Variants in PSMD10 observed in about 807,000 individuals in gnomAD.
PSMD10 encodes proteasome 26S subunit, non-ATPase 10.
A neutral mutation model predicts 13.2 loss-of-function variants in PSMD10; 2 were observed. The observed-to-expected ratio is 0.15, with a 90% CI of 0.06 to 0.48. The LOEUF (loss-of-function observed/expected upper bound fraction) is 0.48. Ranked by LOEUF, PSMD10 falls within the 20% of genes least tolerant of loss-of-function variation. The probability of loss-of-function intolerance (pLI) is 0.97; values close to 1 mark genes in which losing one functional copy is unlikely to be tolerated. For synonymous variants in PSMD10, 66 were observed against 64.4 expected (o/e 1.03, Z -0.12); for missense variants, 120 against 167.4 (o/e 0.72, Z 1.56).
chrX:108,086,633 A>T (rs776785257), intron 4 of PSMD10, among the ~76,000 whole-genome samples: 49 of 112,061 alleles, frequency 4.4e-4, no homozygotes, highest in Non-Finnish European at 7.0e-4. Context: ...TAGATAAGAA[A>T]TGTAATTACC....
Position 108,084,982 on chromosome X carries a change from C to T in PSMD10, c.673G>A (p.Glu225Lys). The T allele has an allele frequency of 8.3e-7, 1 of 1,201,095 alleles. No homozygotes were observed. The change falls in exon 5 of 5, where the codon GAA becomes AAA. Residue 225 changes from glutamate to lysine, a missense_variant. By Grantham distance (56) the Glu-to-Lys change is moderately conservative. This residue lies in a region of PSMD10 where 20 missense variants were observed against 16.4 expected (regional missense o/e 1.22). Coordinates refer to ENST00000217958, the MANE Select transcript of PSMD10 (RefSeq NM_002814.4). ...GLGLILKRMV[E>K]G The stretch of plus-strand genomic sequence containing the variant: ...GAATAAATCCAAGCTGTTTAACCTT[C>T]CACCATTCTCTTGAGTATTAAACCC...
At chrX:108,088,631 C>G (rs2031526967) in intron 2 of PSMD10, 121 bp downstream of exon 2, 1 of 526,323 alleles carries the variant, frequency 1.9e-6, no homozygotes, top group Non-Finnish European at 3.2e-6. Flanking sequence ...CATGATGTAA[C>G]TTTCCAGTCA....
At chrX:108,085,210 T>G in intron 4 of PSMD10, 83 bp from the exon 5 acceptor site, 1 of 889,152 alleles carries the variant, frequency 1.1e-6, no homozygotes, top group Non-Finnish European at 1.5e-6. Context: ...TAGTCTGAAG[T>G]GCATATGATT....
At chrX:108,085,307 A>C (rs1446891200) in intron 4 of PSMD10, among the ~76,000 whole-genome samples, 180 bp from the exon 5 acceptor site, 2 of 112,413 alleles carry the variant, frequency 1.8e-5, no homozygotes, top group Non-Finnish European at 3.8e-5. Context: ...TCTACAAAAA[A>C]AGCCTTGTAA....
intron 4 of PSMD10, 190 bp downstream of exon 4, chrX:108,087,496 G>A: frequency 2.1e-6 from 1 of 483,519 alleles, no homozygotes; most frequent in Non-Finnish European, 3.2e-6. Flanking sequence ...ACACAAGAAT[G>A]TGATCAGTAG....
chrX:108,088,259 C>T (rs763845016), intron 2 of PSMD10, among the ~76,000 whole-genome samples, 160 bp from the exon 3 acceptor site: 2 of 111,960 alleles, frequency 1.8e-5, no homozygotes, highest in East Asian at 5.6e-4. Context: ...CCTAATATAA[C>T]CATATCATTA....
intron 1 of PSMD10, among the ~76,000 whole-genome samples, chrX:108,090,771 G>C (rs1274546697): frequency 8.9e-6 from 1 of 112,377 alleles, no homozygotes; most frequent in Non-Finnish European, 1.9e-5. Context: ...CTAAACTTCT[G>C]TCTACCTCTG....
chrX:108,091,537 C>T lies in PSMD10; in HGVS notation c.-17G>A. ...CCCCTCCATTTCGCTGTCCCAGCAA[C>T]TACTTGTCGCGCGAGCAACGCCCGC... On this transcript the variant is annotated 5_prime_UTR_variant, in exon 1 of 5. Transcript: ENST00000217958. 8.4e-7 allele frequency: 1 copy of T among 1,195,568 alleles called. No individual in the cohort carries two copies. The highest frequency in any genetic ancestry group is 1.7e-5 in the African/African-American group (1 of 57,750).
rs2031528592 is a variant in PSMD10 at position 108,088,756 on chromosome X, T to C, written c.209A>G (p.Asp70Gly). The C allele has an allele frequency of 1.7e-6, 2 of 1,195,922 alleles. No individual in the cohort carries two copies. Among genetic ancestry groups the C allele is most frequent in the Non-Finnish European group, 2.3e-6 (2 of 883,480 alleles). ...LQLGVPVNDK[D>G]DAGWSPLHIA... ...CAACTTTATCAAAGTACTCACATCG[T>C]CTTTATCATTCACTGGCACTCCAAG... Residue 70 changes from aspartate to glycine, a missense_variant, in exon 2 of 5, where the codon GAC (aspartate) becomes GGC (glycine). Physicochemically the swap from Asp to Gly is moderately conservative, Grantham distance 94. Transcript: ENST00000217958.
chrX:108,089,707 C>T (rs1406846288), intron 1 of PSMD10, among the ~76,000 whole-genome samples: 3 of 110,318 alleles, frequency 2.7e-5, no homozygotes, highest in Non-Finnish European at 5.7e-5. Context: ...GTGGCAGGCG[C>T]CTGTAATCCC....
chrX:108,087,521 C>G, intron 4 of PSMD10, 165 bp downstream of exon 4: 1 of 689,278 alleles, frequency 1.5e-6, no homozygotes, highest in Non-Finnish European at 2.0e-6. Flanking sequence ...TTCTGAGTGG[C>G]AAGATAATAG....
chrX:108,086,367 TA>T (rs1290256877), intron 4 of PSMD10, among the ~76,000 whole-genome samples: 6 of 112,486 alleles, frequency 5.3e-5, no homozygotes, highest in African/African-American at 1.9e-4. Context: ...GGTGAATATT[TA>T]ACTAATTTCA....
chrX:108,085,216 T>C, intron 4 of PSMD10, 89 bp from the exon 5 acceptor site: 3 of 873,775 alleles, frequency 3.4e-6, no homozygotes, highest in Non-Finnish European at 4.6e-6. Flanking sequence ...GAAGTGCATA[T>C]GATTAAGAAA....
rs2031498288 is a variant in PSMD10, at chrX:108,086,433, G to A, written c.527+1253C>T. 2.7e-5 allele frequency among the ~76,000 whole-genome samples: 3 copies of A among 112,052 alleles called. No individual in the cohort carries two copies. The South Asian group carries it at 1.1e-3, about 41-fold the overall frequency. On this transcript the variant is annotated intron_variant, in intron 4 of 4. Transcript: ENST00000217958. ...AAAGATGAATGGGCTTGACTACGTA[G>A]AAATTTTAAAACTTCTCTTATGTAA...
At chrX:108,086,716 C>T (rs1013430009) in intron 4 of PSMD10, among the ~76,000 whole-genome samples, 1 of 111,650 alleles carries the variant, frequency 9.0e-6, no homozygotes, top group African/African-American at 3.3e-5. Context: ...ATCATTTTCA[C>T]ATAACAAAAG....
At position 108,084,812 on chromosome X, in the gene PSMD10, C is replaced by A; in HGVS notation, c.*162G>T. 1 of 542,534 alleles carries A rather than the reference C, an allele frequency of 1.8e-6. No homozygotes were observed. Among genetic ancestry groups the A allele is most frequent in the Non-Finnish European group, 2.8e-6 (1 of 362,578 alleles). 44.7% of individuals were successfully genotyped at this position (542,534 alleles called of 1,213,427 possible). ...TGCCTGGAAAACAAGCTGTAAGCTT[C>A]GAACAAGTAACTCAGCAGGAACAAG... On this transcript the variant is annotated 3_prime_UTR_variant, in exon 5 of 5. Coordinates refer to ENST00000217958, the MANE Select transcript of PSMD10 (RefSeq NM_002814.4).
chrX:108,086,182 A>T (rs2147941241), intron 4 of PSMD10, among the ~76,000 whole-genome samples: 1 of 112,601 alleles, frequency 8.9e-6, no homozygotes, highest in South Asian at 3.7e-4. Flanking sequence ...AAAAGTCACC[A>T]TTCAACACAG....
intron 4 of PSMD10, among the ~76,000 whole-genome samples, chrX:108,085,509 A>C (rs1237277518): frequency 8.9e-6 from 1 of 112,719 alleles, no homozygotes; most frequent in Non-Finnish European, 1.9e-5. Context: ...CGTGCAGCTT[A>C]AAGTTTGAAA....
intron 4 of PSMD10, among the ~76,000 whole-genome samples, chrX:108,086,811 T>A (rs1250460942): frequency 8.9e-6 from 1 of 112,160 alleles, no homozygotes; most frequent in Non-Finnish European, 1.9e-5. Flanking sequence ...CTGGAAGCAA[T>A]TTGGCAACAT....
Sources: gnomAD v4.1 joint callset for allele counts (sites outside exome capture counted in the v4.1 genomes callset) on GRCh38, gnomAD v4.1.1 for gene constraint, gnomAD v4.1.1 regional missense constraint, MANE v1.5 for transcripts, NCBI Gene and HGNC (gene_info 2026-07-23, HGNC 2026-07-21) for gene names.